Variants in CPNE2 observed in about 807,000 individuals in gnomAD.
CPNE2 encodes the protein copine-2.
In CPNE2, 42 loss-of-function variants were observed where a neutral mutation model predicts 69.7. The observed-to-expected ratio is 0.60, with a 90% CI of 0.47 to 0.78. CPNE2 has a LOEUF of 0.78. CPNE2 is among the 30% of genes least tolerant of loss of function. The pLI, the probability that CPNE2 is intolerant of heterozygous loss-of-function variation, is 0.00. For synonymous variants in CPNE2, 294 were observed against 289.8 expected (o/e 1.01, Z -0.15); for missense variants, 587 against 732.0 (o/e 0.80, Z 2.29).
In CPNE2 at chr16:57,115,462, C is replaced by T. The variant is rs934080701; in HGVS notation, c.361-14C>T. On this transcript the variant is annotated splice_polypyrimidine_tract_variant and intron_variant, in intron 3 of 15. Coordinates refer to ENST00000290776, the MANE Select transcript of CPNE2 (RefSeq NM_152727.6). ...CGCTTCCTCACTGAGCGCCCTTTCTCCTCTCTCCCCTAGATCGTCTCCAGC... is the reference window on the plus strand; with the variant it reads ...CGCTTCCTCACTGAGCGCCCTTTCTTCTCTCTCCCCTAGATCGTCTCCAGC... The T allele has an allele frequency of 1.9e-6, 3 of 1,604,838 alleles. No individual in the cohort carries two copies. Among genetic ancestry groups the T allele is most frequent in the Non-Finnish European group, 2.6e-6 (3 of 1,174,840 alleles).
intron 14 of CPNE2, chr16:57,145,639 G>A (rs951643385): frequency 2.8e-5 from 6 of 214,650 alleles, no homozygotes; most frequent in Admixed American, 1.6e-4. Context: ...TGCGCCAGCC[G>A]TGGGCCTGTC....
At chr16:57,124,312 G>T (rs2069784633) in intron 10 of CPNE2, 1 of 438,614 alleles carries the variant, frequency 2.3e-6, no homozygotes, top group Non-Finnish European at 4.6e-6. Flanking sequence ...AAACTCCTGG[G>T]CTCAAGCGAT....
Position 57,110,784 on chromosome 16 carries a change from A to G in CPNE2, c.42A>G (p.Ala14=). The G allele has an allele frequency of 6.2e-7, 1 of 1,613,438 alleles. No homozygotes were observed. Among genetic ancestry groups the G allele is most frequent in the Non-Finnish European group, 8.5e-7 (1 of 1,179,708 alleles). The change falls in exon 2 of 16, where the codon GCA becomes GCG. Residue 14 remains alanine, a synonymous_variant. Transcript: ENST00000290776. The part of the protein sequence containing the change: ...IPSGGAPAAG[A]APMGPQYCVC... ...GTGGGGGTGCCCCAGCAGCGGGGGC[A>G]GCCCCCATGGGCCCCCAGTATTGCG...
intron 14 of CPNE2, 117 bp downstream of exon 14, chr16:57,137,399 C>T: frequency 7.6e-7 from 1 of 1,315,006 alleles, no homozygotes; most frequent in South Asian, 1.4e-5. Flanking sequence ...CTGGGCCTTG[C>T]TTTACCTTCA....
At chr16:57,103,597 A>G (rs2069629339) in intron 1 of CPNE2, among the ~76,000 whole-genome samples, 1 of 152,182 alleles carries the variant, frequency 6.6e-6, no homozygotes, top group Non-Finnish European at 1.5e-5. Flanking sequence ...ACCATCCAGC[A>G]GCTCTTCTCC....
At chr16:57,118,167 C>CTTTT (rs375042587) in intron 5 of CPNE2, among the ~76,000 whole-genome samples, 5 of 135,948 alleles carry the variant, frequency 3.7e-5, no homozygotes, top group East Asian at 2.2e-4. Context: ...TACTTTCTTT[C>CTTTT]TTTTTTTTTT....
intron 4 of CPNE2, among the ~76,000 whole-genome samples, chr16:57,116,355 C>A (rs2069719334): frequency 6.6e-6 from 1 of 152,186 alleles, no homozygotes; most frequent in African/African-American, 2.4e-5. Flanking sequence ...ACCTCCCAAA[C>A]AACCTCCCCC....
intron 1 of CPNE2, among the ~76,000 whole-genome samples, chr16:57,104,464 C>T (rs2069635568): frequency 6.6e-6 from 1 of 152,178 alleles, no homozygotes. Flanking sequence ...CCTCTCAGAC[C>T]CTAGGGTTTG....
At chr16:57,122,894 G>A (rs898604917) in intron 9 of CPNE2, among the ~76,000 whole-genome samples, 3 of 135,072 alleles carry the variant, frequency 2.2e-5, no homozygotes, top group Admixed American at 8.2e-5. Flanking sequence ...TACCTGGCCT[G>A]TTTCTTTTCT....
intron 12 of CPNE2, among the ~76,000 whole-genome samples, chr16:57,129,702 C>T (rs1247735386): frequency 3.9e-5 from 6 of 152,304 alleles, no homozygotes; most frequent in Non-Finnish European, 8.8e-5. Flanking sequence ...GCCTGTAATC[C>T]CAGCTACTTG....
chr16:57,125,761 G>A (rs1251685311), intron 10 of CPNE2, 99 bp from the exon 11 acceptor site: 26 of 1,446,270 alleles, frequency 1.8e-5, no homozygotes, highest in Non-Finnish European at 9.4e-7. Flanking sequence ...GGAGATGAGT[G>A]GGCTTCCCAT....
intron 12 of CPNE2, among the ~76,000 whole-genome samples, chr16:57,132,525 A>G (rs2069844910): frequency 6.6e-6 from 1 of 152,182 alleles, no homozygotes; most frequent in Non-Finnish European, 1.5e-5. Flanking sequence ...AGCCTGAAGT[A>G]ACTCCCTGAC....
chr16:57,134,849 G>T, intron 13 of CPNE2, 23 bp downstream of exon 13: 1 of 1,613,486 alleles, frequency 6.2e-7, no homozygotes, highest in Non-Finnish European at 8.5e-7. Context: ...CCCACCTGCA[G>T]CTGCCCTGTG....
chr16:57,147,713 C>A lies in CPNE2; in HGVS notation c.*55C>A. 8.4e-7 allele frequency: 1 copy of A among 1,195,572 alleles called. No individual in the cohort carries two copies. The highest frequency in any genetic ancestry group is 1.2e-6 in the Non-Finnish European group (1 of 853,398). The allele number at this position is 1,195,572 out of a possible 1,614,324, so 74.1% of individuals were successfully genotyped here. A position where few individuals can be genotyped will look rare whatever the true frequency, so the allele number is the denominator to read the frequency against. On this transcript the variant is annotated 3_prime_UTR_variant, in exon 16 of 16. Coordinates refer to ENST00000290776, the MANE Select transcript of CPNE2 (RefSeq NM_152727.6). Reference sequence around the variant, plus strand: ...TGAGCCTCCTGCCCTCCCCCAGGAACATGCACGCTCACTCTGCTTCCTTGT... The same window carrying A: ...TGAGCCTCCTGCCCTCCCCCAGGAAAATGCACGCTCACTCTGCTTCCTTGT...
rs2069551005 is a variant in CPNE2 at position 57,092,642 on chromosome 16, C to G, written c.-184C>G. On this transcript the variant is annotated 5_prime_UTR_variant, in exon 1 of 16. Coordinates refer to ENST00000290776, the MANE Select transcript of CPNE2 (RefSeq NM_152727.6). The surrounding 1 kb of genome is among the most constrained non-coding windows in gnomAD (Gnocchi z 5.3). ...CCGAGCGGCTGGGAGCGCACGCGAG[C>G]GGGCCGTGGCCGCGCGGGCAGCGCC... 8 of 148,650 alleles carry G rather than the reference C, an allele frequency of 5.4e-5. No individual in the cohort carries two copies. The South Asian group carries it at 1.4e-3, about 26-fold the overall frequency. 9.2% of individuals were successfully genotyped at this position (148,650 alleles called of 1,614,324 possible). A position where few individuals can be genotyped will look rare whatever the true frequency, so the allele number is the denominator to read the frequency against.
At chr16:57,098,980 C>G (rs2069596023) in intron 1 of CPNE2, among the ~76,000 whole-genome samples, 1 of 152,166 alleles carries the variant, frequency 6.6e-6, no homozygotes, top group East Asian at 1.9e-4. Context: ...TGAAGTGTAA[C>G]ATGAAATAGA....
chr16:57,118,765 C>A (rs1256032065), intron 5 of CPNE2, among the ~76,000 whole-genome samples: 1 of 152,122 alleles, frequency 6.6e-6, no homozygotes, highest in Non-Finnish European at 1.5e-5. Flanking sequence ...TTTTTAAAGG[C>A]CATGATATTC....
intron 12 of CPNE2, 53 bp from the exon 13 acceptor site, chr16:57,134,722 G>A: frequency 1.9e-6 from 3 of 1,607,836 alleles, no homozygotes; most frequent in Non-Finnish European, 2.6e-6. Flanking sequence ...TGGTGGCCTG[G>A]GTCTGGGTTT....
chr16:57,105,369 G>A (rs1230239224), intron 1 of CPNE2, among the ~76,000 whole-genome samples: 2 of 152,158 alleles, frequency 1.3e-5, no homozygotes, highest in East Asian at 3.8e-4. Flanking sequence ...TCCTGCCTAA[G>A]GGCAAGATGC....
Sources: gnomAD v4.1 joint callset for allele counts (sites outside exome capture counted in the v4.1 genomes callset) on GRCh38, gnomAD v4.1.1 for gene constraint, Gnocchi (gnomAD v3.1) non-coding constraint, MANE v1.5 for transcripts, NCBI Gene and HGNC (gene_info 2026-07-23, HGNC 2026-07-21) for gene names.